Variants in SRD5A2 observed in about 807,000 individuals in gnomAD.
SRD5A2 encodes 3-oxo-5-alpha-steroid 4-dehydrogenase 2.
Under a neutral mutation model 27.4 loss-of-function variants are expected in SRD5A2, and 30 were observed. That is an observed-to-expected ratio of 1.10 (90% CI 0.82 to 1.49). SRD5A2 has a LOEUF of 1.49. SRD5A2 is among the 40% of genes most tolerant of loss of function. The pLI, the probability that SRD5A2 is intolerant of heterozygous loss-of-function variation, is 0.00. For missense variants in SRD5A2, 348 were observed against 323.4 expected, an observed-to-expected ratio of 1.08 and a Z score of -0.58; for synonymous variants, 141 against 133.6, an observed-to-expected ratio of 1.06 and a Z score of -0.38.
At chr2:31,605,843 T>C in the SRD5A2 span, among the ~76,000 whole-genome samples, 113,288 of 151,332 alleles carry the variant, frequency 0.75, 42,531 homozygotes, top group African/African-American at 0.81. Context: ...GAGATATCTG[T>C]ACTCTCATGT....
chr2:31,529,064 C>T (rs369666852), intron 4 of SRD5A2, among the ~76,000 whole-genome samples: 6 of 152,310 alleles, frequency 3.9e-5, no homozygotes, highest in African/African-American at 1.4e-4. Flanking sequence ...ACCTCAGTTG[C>T]CTCTGTTTAC....
the SRD5A2 span, among the ~76,000 whole-genome samples, chr2:31,592,314 C>T: frequency 6.6e-6 from 1 of 152,228 alleles, no homozygotes; most frequent in Non-Finnish European, 1.5e-5. Context: ...CAGCTAATTC[C>T]ACCACCTACA....
Position 31,580,925 on chromosome 2 carries a change from C to T in SRD5A2, c.-25G>A, listed in dbSNP as rs749498100. 10 of 1,584,412 alleles carry T rather than the reference C, an allele frequency of 6.3e-6. No individual in the cohort carries two copies. Among genetic ancestry groups the T allele is most frequent in the South Asian group, 3.3e-5 (3 of 90,232 alleles). ...TCGCGCCGTGTTCCTCGCCGGTGGC[C>T]GCTGCCCTCCCAGAAGAGAGCGCGG... On this transcript the variant is annotated 5_prime_UTR_variant, in exon 1 of 5. Coordinates refer to ENST00000622030, the MANE Select transcript of SRD5A2 (RefSeq NM_000348.4).
chr2:31,568,157 C>T (rs986386807), intron 1 of SRD5A2, among the ~76,000 whole-genome samples: 9 of 152,306 alleles, frequency 5.9e-5, no homozygotes, highest in Admixed American at 6.5e-5. Context: ...CCAGGAACCA[C>T]AAAGCCCCAA....
At chr2:31,544,983 C>A (rs1666214445) in intron 1 of SRD5A2, among the ~76,000 whole-genome samples, 1 of 151,534 alleles carries the variant, frequency 6.6e-6, no homozygotes, top group Admixed American at 6.6e-5. Context: ...AATACTAAAC[C>A]TACCAAGACT....
At chr2:31,658,123 G>C in the SRD5A2 span, among the ~76,000 whole-genome samples, 3 of 152,066 alleles carry the variant, frequency 2.0e-5, no homozygotes, top group Non-Finnish European at 4.4e-5. Context: ...ACCTGGTACT[G>C]AATGACCTTT....
intron 1 of SRD5A2, among the ~76,000 whole-genome samples, chr2:31,558,428 A>C (rs890413560): frequency 6.6e-6 from 1 of 152,212 alleles, no homozygotes; most frequent in Non-Finnish European, 1.5e-5. Context: ...TGCTTCCTCT[A>C]AAGGCTCTAG....
At chr2:31,617,288 C>T in the SRD5A2 span, among the ~76,000 whole-genome samples, 2 of 152,230 alleles carry the variant, frequency 1.3e-5, no homozygotes, top group African/African-American at 4.8e-5. Flanking sequence ...GCTGGTGCAA[C>T]TGGGACACAG....
chr2:31,565,082 A>G (rs1666703444), intron 1 of SRD5A2, among the ~76,000 whole-genome samples: 1 of 151,976 alleles, frequency 6.6e-6, no homozygotes, highest in African/African-American at 2.4e-5. Context: ...GAGAGAAGAA[A>G]TGGAAGTACA....
At chr2:31,657,444 G>A in the SRD5A2 span, among the ~76,000 whole-genome samples, 1 of 152,166 alleles carries the variant, frequency 6.6e-6, no homozygotes, top group African/African-American at 2.4e-5. Flanking sequence ...CAAGTGGAGT[G>A]CAGTGGCACA....
chr2:31,531,290 C>T, intron 3 of SRD5A2, 81 bp downstream of exon 3: 1 of 1,034,052 alleles, frequency 9.7e-7, no homozygotes, highest in Non-Finnish European at 1.4e-6. Context: ...CTCACTGTCC[C>T]CTCTCCATCT....
chr2:31,629,970 A>G, the SRD5A2 span, among the ~76,000 whole-genome samples: 1 of 152,060 alleles, frequency 6.6e-6, no homozygotes, highest in South Asian at 2.1e-4. Flanking sequence ...CATCTAGGCT[A>G]TGAACCCAGA....
At chr2:31,609,984 T>C in the SRD5A2 span, among the ~76,000 whole-genome samples, 4 of 151,980 alleles carry the variant, frequency 2.6e-5, no homozygotes, top group African/African-American at 7.2e-5. Context: ...GAAATAGAAA[T>C]CTAAACGGAC....
chr2:31,617,521 G>A, the SRD5A2 span, among the ~76,000 whole-genome samples: 35 of 152,294 alleles, frequency 2.3e-4, no homozygotes, highest in Admixed American at 2.1e-3. Flanking sequence ...AGAAAATAAG[G>A]CTTTCTTTTC....
chr2:31,552,981 A>T (rs1666411016), intron 1 of SRD5A2, among the ~76,000 whole-genome samples: 1 of 152,204 alleles, frequency 6.6e-6, no homozygotes. Flanking sequence ...ACTTATCATA[A>T]AGAAGTTTAA....
chr2:31,634,069 AG>A, the SRD5A2 span, among the ~76,000 whole-genome samples: 2 of 152,322 alleles, frequency 1.3e-5, no homozygotes, highest in South Asian at 4.2e-4. Flanking sequence ...ATATAAACCC[AG>A]GCATTCAAGC....
At chr2:31,584,218 C>T (rs1667139762), upstream of SRD5A2, among the ~76,000 whole-genome samples, 1 of 152,110 alleles carries the variant, frequency 6.6e-6, no homozygotes, top group East Asian at 1.9e-4. Context: ...TCCCAGAAGG[C>T]CATGGTTTAG....
chr2:31,566,621 T>C (rs1299387119), intron 1 of SRD5A2, among the ~76,000 whole-genome samples: 1 of 152,194 alleles, frequency 6.6e-6, no homozygotes, highest in Non-Finnish European at 1.5e-5. Context: ...ATCAACATCT[T>C]GATACAAAGG....
At chr2:31,605,544 G>A in the SRD5A2 span, among the ~76,000 whole-genome samples, 2 of 151,626 alleles carry the variant, frequency 1.3e-5, no homozygotes, top group African/African-American at 2.4e-5. Context: ...CTATAAAAAG[G>A]TGCTCAACGT....
Sources: gnomAD v4.1 joint callset for allele counts (sites outside exome capture counted in the v4.1 genomes callset) on GRCh38, gnomAD v4.1.1 for gene constraint, MANE v1.5 for transcripts, NCBI Gene and HGNC (gene_info 2026-07-23, HGNC 2026-07-21) for gene names.